The following DDX27 variants were observed in gnomAD, a reference collection of about 807,000 sequenced individuals.
DDX27 encodes the protein probable ATP-dependent RNA helicase DDX27.
DDX27 carries 42 observed loss-of-function variants against 99.3 expected under a neutral mutation model. That is an observed-to-expected ratio of 0.42 (90% CI 0.33 to 0.55). DDX27 has a LOEUF of 0.55. DDX27 is among the 20% of genes least tolerant of loss of function. The probability of loss-of-function intolerance (pLI) is 0.07; values close to 1 mark genes in which losing one functional copy is unlikely to be tolerated. For synonymous variants in DDX27, 329 were observed against 353.8 expected, an observed-to-expected ratio of 0.93 and a Z score of 0.79; for missense variants, 798 against 976.8, an observed-to-expected ratio of 0.82 and a Z score of 2.44.
chr20:49,232,763 CA>C (rs3061137), intron 9 of DDX27: 2,277 of 61,682 alleles, frequency 0.037, 29 homozygotes, highest in African/African-American at 0.13. Flanking sequence ...GACTCCGTCT[CA>C]AAAAAAAAAA....
intron 11 of DDX27, chr20:49,234,724 C>G (rs1490800289): frequency 2.1e-6 from 1 of 481,776 alleles, no homozygotes. Context: ...TAGCTGCTTC[C>G]CCCTCGTCCC....
chr20:49,242,793 C>A, intron 19 of DDX27, 112 bp downstream of exon 19: 1 of 1,010,942 alleles, frequency 9.9e-7, no homozygotes, highest in Non-Finnish European at 1.5e-6. Flanking sequence ...TGCATCTTAG[C>A]TCACTGCAAG....
Position 49,236,248 on chromosome 20 carries a change from T to C in DDX27, c.1509+17T>C, listed in dbSNP as rs771844330. 12 of 1,585,548 alleles carry C rather than the reference T, an allele frequency of 7.6e-6. No individual in the cohort carries two copies. The South Asian group carries it at 9.1e-5, about 12-fold the overall frequency. On this transcript the variant is annotated intron_variant, in intron 13 of 20. Coordinates refer to ENST00000618172, the MANE Select transcript of DDX27 (RefSeq NM_017895.8). The surrounding 1 kb of genome is among the most constrained non-coding windows in gnomAD (Gnocchi z 4.1). Reference sequence around the variant, plus strand: ...GTCAAAACGGTGAGCAGACACTATCTTCCTTGGACTTTTGGTGGAAGTCTT... The same window carrying C: ...GTCAAAACGGTGAGCAGACACTATCCTCCTTGGACTTTTGGTGGAAGTCTT...
chr20:49,236,365 A>G lies in DDX27; in HGVS notation c.1542A>G (p.Lys514=). 6.2e-7 allele frequency: 1 copy of G among 1,605,338 alleles called. No homozygotes were observed. The highest frequency in any genetic ancestry group is 1.1e-5 in the South Asian group (1 of 89,832). The change falls in exon 14 of 21, where the codon AAA becomes AAG. Residue 514 remains lysine, a synonymous_variant. Transcript: ENST00000618172. The surrounding 1 kb of genome is among the most constrained non-coding windows in gnomAD (Gnocchi z 4.1). ...ACTTCACAATGCCTAATACCATCAA[A>G]CATTATGTCCACCGGGTGGGGCGAA... ...VINFTMPNTI[K]HYVHRVGRTA...
At chr20:49,226,949 G>A (rs965696722) in intron 7 of DDX27, among the ~76,000 whole-genome samples, 7 of 126,176 alleles carry the variant, frequency 5.5e-5, no homozygotes, top group African/African-American at 1.5e-4. Context: ...TGCAAGCTCC[G>A]CCTCCCGGGT....
At position 49,223,295 on chromosome 20, in the gene DDX27, G is replaced by A. The variant is rs2146705980; in HGVS notation, c.328G>A (p.Glu110Lys). Residue 110 changes from glutamate to lysine, a missense_variant, in exon 4 of 21, where the codon GAA (glutamate) becomes AAA (lysine). Around this residue, in one of 2 missense-constraint regions of DDX27, gnomAD observed 245 missense variants for 248.8 expected, o/e 0.98. Coordinates refer to ENST00000618172, the MANE Select transcript of DDX27 (RefSeq NM_017895.8). ...TAAAGAAGCCAAGTCTGGGAAGTTG[G>A]AAAAGGAGAAAGAAGCAAAGGAAGG... ...EDKEAKSGKL[E>K]KEKEAKEGSE... 5 of 1,611,570 alleles carry A rather than the reference G, an allele frequency of 3.1e-6. No individual in the cohort carries two copies. Among genetic ancestry groups the A allele is most frequent in the Non-Finnish European group, 4.2e-6 (5 of 1,179,468 alleles).
At chr20:49,225,289 C>A (rs1440565156) in intron 6 of DDX27, 90 bp downstream of exon 6, 2 of 1,096,736 alleles carry the variant, frequency 1.8e-6, no homozygotes, top group Non-Finnish European at 2.8e-6. Context: ...ATCAAGCAAT[C>A]CTCTTGCCTC....
Position 49,219,520 on chromosome 20 carries a change from C to T in DDX27, c.72C>T (p.Asp24=), listed in dbSNP as rs777240489. Residue 24 remains aspartate (D), a synonymous_variant, in exon 1 of 21, where the codon GAC becomes GAT. Transcript: ENST00000618172. The part of the protein sequence containing the change: ...DDEVPVEPES[D]SGDEEEEGPI... Reference sequence around the variant, plus strand: ...AGGTGCCGGTGGAGCCCGAGTCTGACTCCGGGGACGAGGAAGAGGAGGTAT... The same window carrying T: ...AGGTGCCGGTGGAGCCCGAGTCTGATTCCGGGGACGAGGAAGAGGAGGTAT... 1 of 1,613,838 alleles carries T rather than the reference C, an allele frequency of 6.2e-7. No homozygotes were observed. Among genetic ancestry groups the T allele is most frequent in the South Asian group, 1.1e-5 (1 of 91,050 alleles).
rs1980569360 is a variant in DDX27 at position 49,243,979 on chromosome 20, T to C, written c.*145T>C. 2 of 899,988 alleles carry C rather than the reference T, an allele frequency of 2.2e-6. No individual in the cohort carries two copies. The highest frequency in any genetic ancestry group is 3.4e-6 in the Non-Finnish European group (2 of 591,104). 55.8% of individuals were successfully genotyped at this position (899,988 alleles called of 1,614,324 possible). A position where few individuals can be genotyped will look rare whatever the true frequency, so the allele number is the denominator to read the frequency against. ...CACTTTGGTGTGGTGGTATGGTACGTAGCTATTTTCCTAAGCATGTCTGTC... is the reference window on the plus strand; with the variant it reads ...CACTTTGGTGTGGTGGTATGGTACGCAGCTATTTTCCTAAGCATGTCTGTC... On this transcript the variant is annotated 3_prime_UTR_variant, in exon 21 of 21. Coordinates refer to ENST00000618172, the MANE Select transcript of DDX27 (RefSeq NM_017895.8).
chr20:49,225,038 A>G (rs1253947502), intron 5 of DDX27, 47 bp downstream of exon 5: 1 of 1,613,514 alleles, frequency 6.2e-7, no homozygotes, highest in Non-Finnish European at 8.5e-7. Context: ...GGCAAACCGA[A>G]AGGAGTTTAA....
Position 49,239,243 on chromosome 20 carries a change from C to G in DDX27, c.1802C>G (p.Thr601Arg). Residue 601 changes from threonine (T) to arginine (R), a missense_variant, in exon 16 of 21, where the codon ACA becomes AGA. Physicochemically the swap from Thr to Arg is moderately conservative, Grantham distance 71 (BLOSUM62 -1). Around this residue, in one of 2 missense-constraint regions of DDX27, gnomAD observed 553 missense variants for 727.9 expected, o/e 0.76. Transcript: ENST00000618172. Reference sequence around the variant, plus strand: ...CTTTTGTTATCTCTACAGATCAATACAGCAAAGCGGCTCCTGGAGAAGGGG... The same window carrying G: ...CTTTTGTTATCTCTACAGATCAATAGAGCAAAGCGGCTCCTGGAGAAGGGG... ...EMQQSEAQIN[T>R]AKRLLEKGKE... 6.2e-7 allele frequency: 1 copy of G among 1,613,996 alleles called. No individual in the cohort carries two copies. Among genetic ancestry groups the G allele is most frequent in the South Asian group, 1.1e-5 (1 of 91,068 alleles).
intron 14 of DDX27, chr20:49,238,635 T>G: frequency 2.3e-4 from 69 of 295,792 alleles, no homozygotes; most frequent in Middle Eastern, 1.1e-3. Context: ...ACCCAGCTGA[T>G]TTTTGTATTT....
chr20:49,225,710 C>T (rs1448085027), intron 6 of DDX27, among the ~76,000 whole-genome samples: 1 of 152,186 alleles, frequency 6.6e-6, no homozygotes, highest in Non-Finnish European at 1.5e-5. Flanking sequence ...CCGCCTCAGC[C>T]TCCCAAAGTG....
rs779520069 is a variant in DDX27, at chr20:49,226,442, A to G, written c.613A>G (p.Met205Val). 16 of 1,613,700 alleles carry G rather than the reference A, an allele frequency of 9.9e-6. No homozygotes were observed. The highest frequency in any genetic ancestry group is 1.1e-5 in the South Asian group (1 of 91,050). ...CTTTTTTCCTCAGGCCATTACAGCC[A>G]TGGGCTTCAAGCAGCCCACCCCGAT... ...SRPLLKAITA[M>V]GFKQPTPIQK... Residue 205 changes from methionine to valine, a missense_variant, in exon 7 of 21, where the codon ATG becomes GTG. Physicochemically the swap from Met to Val is conservative, Grantham distance 21. This residue lies in a region of DDX27 where 245 missense variants were observed against 248.8 expected (regional missense o/e 0.98). Coordinates refer to ENST00000618172, the MANE Select transcript of DDX27 (RefSeq NM_017895.8).
At chr20:49,243,268 G>A (rs1980540711) in intron 19 of DDX27, among the ~76,000 whole-genome samples, 1 of 152,170 alleles carries the variant, frequency 6.6e-6, no homozygotes, top group African/African-American at 2.4e-5. Flanking sequence ...CTTCAGGGGA[G>A]TGATAACTCT....
chr20:49,228,579 C>A, intron 7 of DDX27, 136 bp from the exon 8 acceptor site: 1 of 953,766 alleles, frequency 1.0e-6, no homozygotes, highest in Non-Finnish European at 1.5e-6. Flanking sequence ...GATTTGAAAG[C>A]AGAAAAAATA....
At position 49,233,573 on chromosome 20, in the gene DDX27, A is replaced by C. The variant is rs1332146920; in HGVS notation, c.1137A>C (p.Lys379Asn). Residue 379 changes from lysine to asparagine, a missense_variant, in exon 11 of 21, where the codon AAA becomes AAC. Physicochemically the swap from Lys to Asn is moderately conservative, Grantham distance 94 (BLOSUM62 0). Transcript: ENST00000618172. ...CCTGGCTTTGTGCTTGGCAGGTGAA[A>C]GATCTGGCTTCTGTCTCCTTGAAGA... ...LFSATMTDEV[K>N]DLASVSLKNP... 6.2e-7 allele frequency: 1 copy of C among 1,611,300 alleles called. No homozygotes were observed. Among genetic ancestry groups the C allele is most frequent in the Admixed American group, 1.7e-5 (1 of 59,980 alleles).
intron 16 of DDX27, among the ~76,000 whole-genome samples, chr20:49,240,676 C>G: frequency 6.6e-6 from 1 of 151,034 alleles, no homozygotes; most frequent in East Asian, 1.9e-4. Context: ...ATCCGCCTGC[C>G]TTGGCCTCCC....
Position 49,233,655 on chromosome 20 carries a change from G to A in DDX27, c.1219G>A (p.Glu407Lys). Residue 407 changes from glutamate to lysine, a missense_variant, in exon 11 of 21, where the codon GAG becomes AAG. This residue lies in a region of DDX27 where 553 missense variants were observed against 727.9 expected (regional missense o/e 0.76). Transcript: ENST00000618172. ...NTDVAPFLRQ[E>K]FIRIRPNREG... is the part of the protein sequence containing the mutation. Reference sequence around the variant, plus strand: ...AGATGTGGCTCCCTTCCTGCGGCAGGAGTTCATCCGGATCCGGCCTAATCG... The same window carrying A: ...AGATGTGGCTCCCTTCCTGCGGCAGAAGTTCATCCGGATCCGGCCTAATCG... 1 of 1,614,028 alleles carries A rather than the reference G, an allele frequency of 6.2e-7. No individual in the cohort carries two copies. Among genetic ancestry groups the A allele is most frequent in the African/African-American group, 1.3e-5 (1 of 75,052 alleles).
Sources: allele counts gnomAD v4.1 joint callset (sites outside exome capture counted in the v4.1 genomes callset), GRCh38; gene constraint gnomAD v4.1.1; regional missense constraint gnomAD v4.1.1; non-coding constraint Gnocchi (gnomAD v3.1); transcripts MANE v1.5; gene names NCBI Gene and HGNC (gene_info 2026-07-23, HGNC 2026-07-21).